TCFL5: variants seen among roughly 807,000 people sequenced by gnomAD.
The protein encoded by TCFL5 is transcription factor like 5.
Under a neutral mutation model 44.3 loss-of-function variants are expected in TCFL5, and 9 were observed. That is an observed-to-expected ratio of 0.20 (90% CI 0.12 to 0.35). The LOEUF is 0.35. Ranked by LOEUF, TCFL5 falls within the 10% of genes least tolerant of loss-of-function variation. The pLI is 1.00. For missense variants in TCFL5, 603 were observed against 613.4 expected (o/e 0.98, Z 0.18); for synonymous variants, 319 against 271.6 (o/e 1.17, Z -1.72).
At chr20:62,844,195 C>T (rs886463266) in intron 5 of TCFL5, among the ~76,000 whole-genome samples, 10 of 152,248 alleles carry the variant, frequency 6.6e-5, no homozygotes, top group Non-Finnish European at 1.2e-4. Flanking sequence ...CGGCAAAGCA[C>T]AGGGATTCTG....
chr20:62,857,206 C>G (rs2063907148), intron 4 of TCFL5, among the ~76,000 whole-genome samples, 189 bp downstream of exon 4: 1 of 152,186 alleles, frequency 6.6e-6, no homozygotes, highest in African/African-American at 2.4e-5. Flanking sequence ...CCCGGGAGTC[C>G]TCCTAGTGAG....
chr20:62,859,316 G>C, intron 3 of TCFL5, 48 bp downstream of exon 3: 1 of 1,578,388 alleles, frequency 6.3e-7, no homozygotes, highest in South Asian at 1.1e-5. Context: ...ATCAGCCACA[G>C]GGCTCAGTCA....
chr20:62,852,667 G>A (rs1254013099), intron 5 of TCFL5: 5 of 985,356 alleles, frequency 5.1e-6, no homozygotes, highest in Non-Finnish European at 6.0e-6. Context: ...GTCCACAGAA[G>A]TATATTCACC....
chr20:62,855,261 G>A (rs2063869822), intron 4 of TCFL5, among the ~76,000 whole-genome samples: 1 of 152,176 alleles, frequency 6.6e-6, no homozygotes, highest in Non-Finnish European at 1.5e-5. Flanking sequence ...CCAGGCTCAA[G>A]TGATCCTCCC....
At chr20:62,858,309 C>T (rs2063927671) in intron 3 of TCFL5, among the ~76,000 whole-genome samples, 2 of 152,196 alleles carry the variant, frequency 1.3e-5, no homozygotes, top group African/African-American at 2.4e-5. Context: ...CATGTGCACG[C>T]GTATGCCACA....
Position 62,861,018 on chromosome 20 carries a change from A to C in TCFL5, c.647+6T>G, listed in dbSNP as rs2063992783. On this transcript the variant is annotated splice_donor_region_variant and intron_variant, in intron 1 of 5. Transcript: ENST00000335351. This position sits in a 1 kb window ranked among gnomAD's most constrained non-coding sequence, Gnocchi z 4.0. Reference sequence around the variant, plus strand: ...CCCCGCCAGCCCCCGGCCGCCGGGCACGCACTTGTTGAGCGCCCCGCCCGG... The same window carrying C: ...CCCCGCCAGCCCCCGGCCGCCGGGCCCGCACTTGTTGAGCGCCCCGCCCGG... 1 of 992,928 alleles carries C rather than the reference A, an allele frequency of 1.0e-6. No individual in the cohort carries two copies. Among genetic ancestry groups the C allele is most frequent in the Non-Finnish European group, 1.2e-6 (1 of 836,266 alleles). The allele number at this position is 992,928 out of a possible 1,614,324, so 61.5% of individuals were successfully genotyped here.
chr20:62,861,405 G>A lies in TCFL5; in HGVS notation c.266C>T (p.Ala89Val), dbSNP rs1426805118. The change falls in exon 1 of 6, where the codon GCA becomes GTA. Residue 89 changes from alanine to valine, a missense_variant. Physicochemically the swap from Ala to Val is moderately conservative, Grantham distance 64. This residue lies in a region of TCFL5 where 540 missense variants were observed against 478.7 expected (regional missense o/e 1.13). Coordinates refer to ENST00000335351, the MANE Select transcript of TCFL5 (RefSeq NM_006602.4). This position sits in a 1 kb window ranked among gnomAD's most constrained non-coding sequence, Gnocchi z 4.0. ...SALLAAAGPG[A>V]GAGGFAAGGQ... The stretch of plus-strand genomic sequence containing the variant: ...GCCCGCCGCGAAGCCGCCCGCGCCT[G>A]CGCCCGGGCCCGCCGCCGCCAGCAG... 2.7e-6 allele frequency: 3 copies of A among 1,097,028 alleles called. No homozygotes were observed. The highest frequency in any genetic ancestry group is 2.2e-6 in the Non-Finnish European group (2 of 903,696). 68.0% of individuals were successfully genotyped at this position (1,097,028 alleles called of 1,614,324 possible).
chr20:62,858,180 C>T (rs1335156774), intron 3 of TCFL5, among the ~76,000 whole-genome samples: 3 of 152,252 alleles, frequency 2.0e-5, no homozygotes, highest in African/African-American at 7.2e-5. Flanking sequence ...TGGCTCTCCT[C>T]CCCAAAGCAG....
At position 62,841,908 on chromosome 20, in the gene TCFL5, T is replaced by C. The variant is rs2147238654; in HGVS notation, c.*67A>G. 1.9e-6 allele frequency: 3 copies of C among 1,582,558 alleles called. No homozygotes were observed. The highest frequency in any genetic ancestry group is 2.3e-5 in the East Asian group (1 of 44,038). On this transcript the variant is annotated 3_prime_UTR_variant, in exon 6 of 6. Coordinates refer to ENST00000335351, the MANE Select transcript of TCFL5 (RefSeq NM_006602.4). ...GACTAGCCGAGCAGAGCTCCAGGGT[T>C]GCAGAAGGCGTGCACAGGTCACGAA...
intron 5 of TCFL5, chr20:62,851,601 T>C: frequency 1.0e-6 from 1 of 985,334 alleles, no homozygotes; most frequent in Non-Finnish European, 1.2e-6. Flanking sequence ...CCGATCAGAA[T>C]ACATTCAACA....
intron 5 of TCFL5, among the ~76,000 whole-genome samples, chr20:62,853,314 G>A (rs530937227): frequency 3.0e-5 from 4 of 135,290 alleles, no homozygotes; most frequent in Admixed American, 8.5e-5. Context: ...CAGACTATTT[G>A]ACACTTATCT....
At chr20:62,844,446 GCT>G (rs144378292) in intron 5 of TCFL5, among the ~76,000 whole-genome samples, 4,686 of 152,058 alleles carry the variant, frequency 0.031, 186 homozygotes, top group East Asian at 0.21. Context: ...ACAGGGTCTT[GCT>G]CTCTCAGGCT....
intron 5 of TCFL5, among the ~76,000 whole-genome samples, chr20:62,843,660 C>T (rs908740675): frequency 3.9e-5 from 6 of 152,208 alleles, no homozygotes; most frequent in African/African-American, 7.2e-5. Flanking sequence ...AGTGGAGCAG[C>T]GTGAAGTCCA....
rs142184698 is a variant in TCFL5, at chr20:62,857,202, A to C, written c.1238+193T>G. Among the ~76,000 whole-genome samples, 584 of 152,262 alleles carry C rather than the reference A, an allele frequency of 3.8e-3. 6 individuals carry two copies. The highest frequency in any genetic ancestry group is 0.013 in the African/African-American group (560 of 41,562). ...GAGTGACTGCATGCGGAGTCCCGGGAGTCCTCCTAGTGAGCCAGCGAGCCT... is the reference window on the plus strand; with the variant it reads ...GAGTGACTGCATGCGGAGTCCCGGGCGTCCTCCTAGTGAGCCAGCGAGCCT... On this transcript the variant is annotated intron_variant, in intron 4 of 5. Transcript: ENST00000335351.
Position 62,842,126 on chromosome 20 carries a change from C to A in TCFL5, c.1381-29G>T. 1 of 1,612,382 alleles carries A rather than the reference C, an allele frequency of 6.2e-7. No individual in the cohort carries two copies. Among genetic ancestry groups the A allele is most frequent in the Non-Finnish European group, 8.5e-7 (1 of 1,179,072 alleles). ...CAGTGAAGAAGTGACGGTTAACATA[C>A]TGAATTAACTGACATGAAAACTGCT... is the stretch of plus-strand genomic sequence containing the variant. On this transcript the variant is annotated intron_variant, in intron 5 of 5. Coordinates refer to ENST00000335351, the MANE Select transcript of TCFL5 (RefSeq NM_006602.4). The surrounding 1 kb of genome is among the most constrained non-coding windows in gnomAD (Gnocchi z 4.3).
chr20:62,858,555 A>C (rs561947608), intron 3 of TCFL5, among the ~76,000 whole-genome samples: 1 of 152,290 alleles, frequency 6.6e-6, no homozygotes, highest in Admixed American at 6.5e-5. Flanking sequence ...GTCTTCACCA[A>C]CTCTTGGAAA....
chr20:62,857,329 G>A (rs2063908855), intron 4 of TCFL5, 66 bp downstream of exon 4: 2 of 1,583,398 alleles, frequency 1.3e-6, no homozygotes, highest in African/African-American at 1.4e-5. Context: ...TCACTCATCT[G>A]TGATAACCAT....
intron 1 of TCFL5, among the ~76,000 whole-genome samples, chr20:62,860,587 G>A (rs536954462): frequency 1.0e-3 from 153 of 152,336 alleles, no homozygotes; most frequent in Admixed American, 2.7e-3. Flanking sequence ...CTACAGGCTG[G>A]GATGAGCAGA....
rs1329515409 is a variant in TCFL5 at position 62,861,293 on chromosome 20, G to T, written c.378C>A (p.Phe126Leu). 5.8e-6 allele frequency: 7 copies of T among 1,210,724 alleles called. No homozygotes were observed. In the Admixed American group the frequency reaches 2.0e-4, roughly 35 times the overall value. The allele number at this position is 1,210,724 out of a possible 1,614,324, so 75.0% of individuals were successfully genotyped here. A position where few individuals can be genotyped will look rare whatever the true frequency, so the allele number is the denominator to read the frequency against. Reference protein sequence around the residue: ...ADAPCLGHIDFQELRMMLLSE... With the variant: ...ADAPCLGHIDLQELRMMLLSE... Reference sequence around the variant, plus strand: ...TTAGCAGCATCATGCGCAGCTCCTGGAAGTCGATGTGGCCCAGGCAGGGCG... The same window carrying T: ...TTAGCAGCATCATGCGCAGCTCCTGTAAGTCGATGTGGCCCAGGCAGGGCG... Residue 126 changes from phenylalanine (F) to leucine (L), a missense_variant, in exon 1 of 6, where the codon TTC becomes TTA. Phe to Leu is a conservative substitution (Grantham distance 22). Around this residue, in one of 4 missense-constraint regions of TCFL5, gnomAD observed 540 missense variants for 478.7 expected, o/e 1.13. Coordinates refer to ENST00000335351, the MANE Select transcript of TCFL5 (RefSeq NM_006602.4). The surrounding 1 kb of genome is among the most constrained non-coding windows in gnomAD (Gnocchi z 4.0).
Sources: gnomAD v4.1 joint callset for allele counts (sites outside exome capture counted in the v4.1 genomes callset) on GRCh38, gnomAD v4.1.1 for gene constraint, gnomAD v4.1.1 regional missense constraint, Gnocchi (gnomAD v3.1) non-coding constraint, MANE v1.5 for transcripts, NCBI Gene and HGNC (gene_info 2026-07-23, HGNC 2026-07-21) for gene names.